The following HS6ST2 variants were observed in gnomAD, a reference collection of about 807,000 sequenced individuals.
HS6ST2 encodes the protein heparan-sulfate 6-O-sulfotransferase 2.
A neutral mutation model predicts 33.0 loss-of-function variants in HS6ST2; 17 were observed. The observed-to-expected ratio is 0.52, with a 90% CI of 0.35 to 0.77. The LOEUF (loss-of-function observed/expected upper bound fraction) is 0.77, where lower values mean the gene tolerates loss of function less well. Among genes scored for constraint, HS6ST2 ranks in the 30% least tolerant of loss-of-function variants. The pLI, the probability that HS6ST2 is intolerant of heterozygous loss-of-function variation, is 0.01. For missense variants in HS6ST2, 519 were observed against 551.7 expected (o/e 0.94, Z 0.59); for synonymous variants, 248 against 237.1 (o/e 1.05, Z -0.42).
chrX:132,874,120 C>A (rs952054056), intron 2 of HS6ST2, among the ~76,000 whole-genome samples: 4 of 111,570 alleles, frequency 3.6e-5, no homozygotes, highest in African/African-American at 1.3e-4. Context: ...GAGGGCACTT[C>A]CAGAGCATTC....
intron 3 of HS6ST2, among the ~76,000 whole-genome samples, chrX:132,693,346 G>A (rs1411578994): frequency 3.6e-5 from 4 of 111,896 alleles, no homozygotes; most frequent in Non-Finnish European, 5.6e-5. Flanking sequence ...CTGCAGAAGT[G>A]ACCTTCATAA....
intron 2 of HS6ST2, among the ~76,000 whole-genome samples, chrX:132,731,219 G>A (rs772763543): frequency 2.7e-4 from 30 of 112,308 alleles, no homozygotes; most frequent in Non-Finnish European, 4.7e-4. Flanking sequence ...GCATGCATGT[G>A]TGTATGTCAA....
intron 2 of HS6ST2, among the ~76,000 whole-genome samples, chrX:132,944,799 A>T (rs777923146): frequency 6.3e-5 from 7 of 110,667 alleles, no homozygotes; most frequent in South Asian, 3.9e-4. Context: ...CTGGCTAGCC[A>T]TATGTAGAAA....
chrX:132,888,483 C>G (rs1003402774), intron 2 of HS6ST2, among the ~76,000 whole-genome samples: 13 of 111,864 alleles, frequency 1.2e-4, no homozygotes, highest in African/African-American at 4.2e-4. Flanking sequence ...ATGAGAGTTA[C>G]AATTCAAGAT....
intron 2 of HS6ST2, among the ~76,000 whole-genome samples, chrX:132,825,916 C>T (rs898651247): frequency 1.2e-4 from 13 of 112,105 alleles, no homozygotes; most frequent in Non-Finnish European, 2.3e-4. Flanking sequence ...CTGTCTCCCC[C>T]ACATGAACTG....
At chrX:132,739,388 CTG>C (rs1202903090) in intron 2 of HS6ST2, among the ~76,000 whole-genome samples, 1 of 110,921 alleles carries the variant, frequency 9.0e-6, no homozygotes, top group East Asian at 2.8e-4. Flanking sequence ...TTAGTAGTGA[CTG>C]TGTGTTTAAG....
chrX:132,784,419 C>T (rs1156959902), intron 2 of HS6ST2, among the ~76,000 whole-genome samples: 1 of 111,463 alleles, frequency 9.0e-6, no homozygotes, highest in Non-Finnish European at 1.9e-5. Flanking sequence ...AAGTGATTCT[C>T]CTGCCTCAGC....
At chrX:132,882,790 G>T (rs1360277046) in intron 2 of HS6ST2, among the ~76,000 whole-genome samples, 1 of 111,141 alleles carries the variant, frequency 9.0e-6, no homozygotes, top group African/African-American at 3.3e-5. Flanking sequence ...ATTATTTTGA[G>T]ATACATCCCA....
chrX:132,708,492 C>T lies in HS6ST2; in HGVS notation c.950G>A (p.Trp317Ter). 1.7e-6 allele frequency: 2 copies of T among 1,182,376 alleles called. No individual in the cohort carries two copies. Among genetic ancestry groups the T allele is most frequent in the Non-Finnish European group, 2.3e-6 (2 of 878,656 alleles). ...KRDARLRPSR[W>*]RIFQILDAAS... ...TGCATCTAGAATCTGAAAAATCCTCCACCTGTTAAAGGAACAGTAAAACCA... is the reference window on the plus strand; with the variant it reads ...TGCATCTAGAATCTGAAAAATCCTCTACCTGTTAAAGGAACAGTAAAACCA... Residue 317 changes from tryptophan (W) to a stop codon, truncating the protein, a stop_gained and splice_region_variant, in exon 3 of 5, where the codon TGG (tryptophan) becomes TAG (stop). Transcript: ENST00000370833. LOFTEE classifies it high-confidence loss of function.
At chrX:132,833,374 A>T (rs1325938288) in intron 2 of HS6ST2, among the ~76,000 whole-genome samples, 2 of 111,276 alleles carry the variant, frequency 1.8e-5, no homozygotes, top group African/African-American at 6.5e-5. Context: ...GTCAGAGTTT[A>T]GTGCTTGGCT....
chrX:132,840,379 G>A (rs1014747871), intron 2 of HS6ST2, among the ~76,000 whole-genome samples: 7 of 109,970 alleles, frequency 6.4e-5, no homozygotes, highest in African/African-American at 2.3e-4. Flanking sequence ...CAAGCGTTGG[G>A]TTTCCCTCCT....
intron 2 of HS6ST2, among the ~76,000 whole-genome samples, chrX:132,894,164 G>A (rs751560198): frequency 8.5e-5 from 9 of 105,750 alleles, no homozygotes; most frequent in Admixed American, 8.2e-4. Context: ...GGAGAGAGAC[G>A]AAGTTTTGTT....
intron 4 of HS6ST2, among the ~76,000 whole-genome samples, chrX:132,660,575 G>A (rs1364091353): frequency 9.0e-6 from 1 of 111,280 alleles, no homozygotes; most frequent in Non-Finnish European, 1.9e-5. Context: ...TCCTCCCCAT[G>A]AATAGGATCT....
rs191157000 is a variant in HS6ST2, at chrX:132,685,598, C to T, written c.981-16399G>A. 3.6e-3 allele frequency among the ~76,000 whole-genome samples: 398 copies of T among 111,823 alleles called. 4 individuals carry two copies. The highest frequency in any genetic ancestry group is 0.034 in the Admixed American group (359 of 10,490). ...ACTGCTGGCGTTCACATTTCCAGAG[C>T]TGTTCCCTGGGAACTATCTTCATAG... On this transcript the variant is annotated intron_variant, in intron 3 of 4. Coordinates refer to ENST00000370833, the MANE Select transcript of HS6ST2 (RefSeq NM_001394073.1).
chrX:132,828,862 G>C (rs2065557345), intron 2 of HS6ST2, among the ~76,000 whole-genome samples: 1 of 101,044 alleles, frequency 9.9e-6, no homozygotes, highest in Admixed American at 1.1e-4. Context: ...ATATATATAT[G>C]CTGTATTTAT....
At chrX:132,951,697 TG>T (rs1393860547) in intron 2 of HS6ST2, among the ~76,000 whole-genome samples, 1 of 111,774 alleles carries the variant, frequency 8.9e-6, no homozygotes, top group Non-Finnish European at 1.9e-5. Flanking sequence ...TTGGCTTTTT[TG>T]GTTTCTTCTT....
At chrX:132,690,028 G>A (rs1005206439) in intron 3 of HS6ST2, among the ~76,000 whole-genome samples, 46 of 111,855 alleles carry the variant, frequency 4.1e-4, no homozygotes, top group Non-Finnish European at 6.0e-4. Flanking sequence ...TTATGTAAAT[G>A]GCCAGATAGT....
chrX:132,929,777 G>A (rs969776608), intron 2 of HS6ST2, among the ~76,000 whole-genome samples: 6 of 111,404 alleles, frequency 5.4e-5, no homozygotes, highest in Non-Finnish European at 1.1e-4. Context: ...TAGAAACTTC[G>A]ACCTCCTCTC....
chrX:132,671,446 CTTTTTTT>C (rs138709239), intron 3 of HS6ST2, among the ~76,000 whole-genome samples: 24 of 91,237 alleles, frequency 2.6e-4, no homozygotes, highest in African/African-American at 9.2e-4. Context: ...CATTCATTCA[CTTTTTTT>C]TTTTTTTTTT....
Sources: allele counts gnomAD v4.1 joint callset (sites outside exome capture counted in the v4.1 genomes callset), GRCh38; gene constraint gnomAD v4.1.1; transcripts MANE v1.5; gene names NCBI Gene and HGNC (gene_info 2026-07-23, HGNC 2026-07-21).